The following MDGA2 variants were observed in gnomAD, a reference collection of about 807,000 sequenced individuals.
MDGA2 encodes the protein MAM domain-containing glycosylphosphatidylinositol anchor protein 2.
In MDGA2, 40 loss-of-function variants were observed where a neutral mutation model predicts 117.8. The observed-to-expected ratio is 0.34, with a 90% CI of 0.26 to 0.44. The LOEUF (loss-of-function observed/expected upper bound fraction) is 0.44, where lower values mean the gene tolerates loss of function less well. Ranked by LOEUF, MDGA2 falls within the 20% of genes least tolerant of loss-of-function variation. The pLI is 1.00. For synonymous variants in MDGA2, 452 were observed against 439.0 expected (o/e 1.03, Z -0.37); for missense variants, 1,123 against 1,250.6 (o/e 0.90, Z 1.54).
At chr14:47,225,923 A>G (rs1441349819) in intron 2 of MDGA2, among the ~76,000 whole-genome samples, 2 of 152,068 alleles carry the variant, frequency 1.3e-5, no homozygotes, top group African/African-American at 4.8e-5. Context: ...CACCACCACT[A>G]CTACTACTAA....
intron 5 of MDGA2, among the ~76,000 whole-genome samples, chr14:47,119,362 GC>G (rs1272907546): frequency 1.3e-5 from 2 of 152,064 alleles, no homozygotes; most frequent in East Asian, 3.9e-4. Context: ...ACCGGGCCCG[GC>G]CCTACATATT....
At chr14:47,007,288 T>C (rs1887746113) in intron 8 of MDGA2, among the ~76,000 whole-genome samples, 2 of 151,714 alleles carry the variant, frequency 1.3e-5, no homozygotes, top group Non-Finnish European at 3.0e-5. Context: ...AGGAAAAAAA[T>C]CCAAACATTC....
At chr14:47,253,702 G>A (rs919069692) in intron 2 of MDGA2, among the ~76,000 whole-genome samples, 1 of 152,186 alleles carries the variant, frequency 6.6e-6, no homozygotes, top group African/African-American at 2.4e-5. Flanking sequence ...GGGATCTGGA[G>A]GATGGTGGCC....
rs1566515949 is a variant in MDGA2 at position 47,561,158 on chromosome 14, G to GGTT, written c.280+113358_280+113359insAAC. Among the ~76,000 whole-genome samples, 287 of 54,890 alleles carry GGTT rather than the reference G, an allele frequency of 5.2e-3. 24 individuals carry two copies. The highest frequency in any genetic ancestry group is 0.012 in the East Asian group (9 of 758). 36.0% of individuals were successfully genotyped at this position (54,890 alleles called of 152,430 possible). A position where few individuals can be genotyped will look rare whatever the true frequency, so the allele number is the denominator to read the frequency against. On this transcript the variant is annotated intron_variant, in intron 1 of 16. Coordinates refer to ENST00000399232, the MANE Select transcript of MDGA2 (RefSeq NM_001113498.3). ...CTATCTTTGTTTTTTTTTTTGTTTT[G>GGTT]TTTTGTTTTTTTGTTTGTTTGTTTT...
At chr14:47,138,761 T>G (rs1882577038) in intron 4 of MDGA2, among the ~76,000 whole-genome samples, 1 of 152,108 alleles carries the variant, frequency 6.6e-6, no homozygotes, top group South Asian at 2.1e-4. Flanking sequence ...AGATTCATTT[T>G]ATGAAGCTCT....
intron 1 of MDGA2, among the ~76,000 whole-genome samples, chr14:47,545,490 A>G (rs891598102): frequency 1.8e-4 from 27 of 152,226 alleles, no homozygotes; most frequent in African/African-American, 6.5e-4. Context: ...GAACATGTTC[A>G]TGATTTGATA....
chr14:46,960,876 T>TAA (rs202230255), intron 8 of MDGA2, among the ~76,000 whole-genome samples: 16,695 of 147,470 alleles, frequency 0.11, 1,777 homozygotes, highest in African/African-American at 0.25. Context: ...TATATACACA[T>TAA]GTTTTATATA....
intron 1 of MDGA2, among the ~76,000 whole-genome samples, chr14:47,522,774 C>T (rs1399826615): frequency 6.6e-6 from 1 of 152,136 alleles, no homozygotes; most frequent in Admixed American, 6.6e-5. Context: ...ACAGTACTTC[C>T]ATAACTAGGC....
chr14:47,375,696 T>C (rs1446136199), intron 1 of MDGA2, among the ~76,000 whole-genome samples: 2 of 152,102 alleles, frequency 1.3e-5, no homozygotes, highest in African/African-American at 4.8e-5. Flanking sequence ...CTTTTCCTGA[T>C]TATTCTAATT....
At chr14:47,394,644 T>C (rs1891967848) in intron 1 of MDGA2, among the ~76,000 whole-genome samples, 1 of 152,168 alleles carries the variant, frequency 6.6e-6, no homozygotes, top group Non-Finnish European at 1.5e-5. Context: ...CTATATTTGT[T>C]ACTGGTCTCT....
intron 1 of MDGA2, among the ~76,000 whole-genome samples, chr14:47,363,122 G>A (rs188046474): frequency 6.3e-4 from 95 of 151,902 alleles, no homozygotes; most frequent in African/African-American, 2.2e-3. Context: ...ATCTAGTGAG[G>A]ATGTCTTCCT....
rs568501296 is a variant in MDGA2, at chr14:47,091,330, A to G, written c.1195+5524T>C. Among the ~76,000 whole-genome samples the G allele has an allele frequency of 3.1e-4, 47 of 152,290 alleles. No homozygotes were observed. In the East Asian group the frequency reaches 8.7e-3, roughly 28 times the overall value. On this transcript the variant is annotated intron_variant, in intron 6 of 16. Transcript: ENST00000399232. ...TACATCACTAAATAAGACAATAAAC[A>G]GACAAATTCTTTACCCCTATAGTCC...
intron 1 of MDGA2, among the ~76,000 whole-genome samples, chr14:47,480,393 T>C (rs867852871): frequency 1.3e-5 from 2 of 152,110 alleles, no homozygotes; most frequent in African/African-American, 4.8e-5. Flanking sequence ...GCAATAATAC[T>C]ATAAAAGTAA....
intron 6 of MDGA2, among the ~76,000 whole-genome samples, chr14:47,067,737 T>C (rs1385848107): frequency 6.6e-6 from 1 of 152,222 alleles, no homozygotes; most frequent in East Asian, 1.9e-4. Flanking sequence ...AGCACTGATA[T>C]GAACAAGACT....
chr14:46,985,968 GT>G (rs1411892030), intron 8 of MDGA2, among the ~76,000 whole-genome samples: 1 of 151,894 alleles, frequency 6.6e-6, no homozygotes, highest in East Asian at 1.9e-4. Flanking sequence ...GACTTCTAAG[GT>G]TTCAAAGGTT....
intron 5 of MDGA2, among the ~76,000 whole-genome samples, chr14:47,122,509 A>G (rs1436888367): frequency 2.0e-5 from 3 of 152,100 alleles, no homozygotes; most frequent in African/African-American, 7.2e-5. Context: ...TTTTGACATA[A>G]TCTATCCTAG....
intron 6 of MDGA2, among the ~76,000 whole-genome samples, chr14:47,083,901 CCT>C (rs1890798108): frequency 1.3e-5 from 2 of 151,192 alleles, no homozygotes; most frequent in African/African-American, 4.9e-5. Flanking sequence ...TACCCTTCCC[CCT>C]CCAAAAAAAA....
intron 1 of MDGA2, among the ~76,000 whole-genome samples, chr14:47,474,474 A>G (rs1416403487): frequency 6.6e-6 from 1 of 152,182 alleles, no homozygotes. Flanking sequence ...AGAATTAGAA[A>G]AAAAAAGCTA....
At chr14:47,244,233 T>C (rs1887164871) in intron 2 of MDGA2, among the ~76,000 whole-genome samples, 1 of 151,884 alleles carries the variant, frequency 6.6e-6, no homozygotes, top group South Asian at 2.1e-4. Context: ...ATACCCAATG[T>C]ATTATTATAG....
Sources: gnomAD v4.1 joint callset for allele counts (sites outside exome capture counted in the v4.1 genomes callset) on GRCh38, gnomAD v4.1.1 for gene constraint, MANE v1.5 for transcripts, NCBI Gene and HGNC (gene_info 2026-07-23, HGNC 2026-07-21) for gene names.